The following ASCC3 variants were observed in gnomAD, a reference collection of about 807,000 sequenced individuals.
The protein encoded by ASCC3 is ASC-1 complex subunit P200.
In ASCC3, 158 loss-of-function variants were observed where a neutral mutation model predicts 256.3. The ratio of observed to expected loss-of-function variants is 0.62; its 90% CI spans 0.54 to 0.70. ASCC3 has a LOEUF of 0.70. Among genes scored for constraint, ASCC3 ranks in the 30% least tolerant of loss-of-function variants. The pLI is 0.00. For missense variants in ASCC3, 2,259 were observed against 2,626.0 expected, an observed-to-expected ratio of 0.86 and a Z score of 3.05; for synonymous variants, 948 against 883.4, an observed-to-expected ratio of 1.07 and a Z score of -1.30.
chr6:100,813,796 G>A (rs1465561496), intron 4 of ASCC3, among the ~76,000 whole-genome samples: 1 of 151,834 alleles, frequency 6.6e-6, no homozygotes, highest in African/African-American at 2.4e-5. Flanking sequence ...CCAAGCAGAA[G>A]ATTACTAAGA....
At chr6:100,845,315 T>C (rs1456028510) in intron 4 of ASCC3, among the ~76,000 whole-genome samples, 3 of 152,126 alleles carry the variant, frequency 2.0e-5, no homozygotes, top group Admixed American at 6.5e-5. Flanking sequence ...TTACTTAAGG[T>C]ACCAGCAAAG....
chr6:100,770,732 T>C (rs1166200798), intron 8 of ASCC3, among the ~76,000 whole-genome samples: 1 of 151,798 alleles, frequency 6.6e-6, no homozygotes, highest in East Asian at 1.9e-4. Flanking sequence ...TCAGTAAAAA[T>C]AGCACTCTGT....
chr6:100,718,037 A>G (rs748612942), intron 12 of ASCC3, 38 bp downstream of exon 12: 1 of 1,592,092 alleles, frequency 6.3e-7, no homozygotes, highest in South Asian at 1.1e-5. Context: ...ATAAGTCAAC[A>G]AAAATATTTT....
At chr6:100,700,435 CAG>C (rs1562235681) in intron 13 of ASCC3, among the ~76,000 whole-genome samples, 1 of 151,944 alleles carries the variant, frequency 6.6e-6, no homozygotes, top group Non-Finnish European at 1.5e-5. Context: ...AGCCTCCACA[CAG>C]AGTCCCTACT....
chr6:100,797,167 A>G (rs1481157335), intron 8 of ASCC3, among the ~76,000 whole-genome samples: 1 of 152,138 alleles, frequency 6.6e-6, no homozygotes, highest in African/African-American at 2.4e-5. Context: ...GTAAAGATTT[A>G]GACCGGGTGC....
chr6:100,584,293 T>G (rs1771506090), intron 36 of ASCC3, among the ~76,000 whole-genome samples: 2 of 151,654 alleles, frequency 1.3e-5, no homozygotes, highest in Non-Finnish European at 2.9e-5. Flanking sequence ...CATATATATT[T>G]AGGATAGTTA....
chr6:100,805,782 A>G lies in ASCC3; in HGVS notation c.900T>C (p.Asp300=). 6.2e-7 allele frequency: 1 copy of G among 1,611,276 alleles called. No homozygotes were observed. Among genetic ancestry groups the G allele is most frequent in the Admixed American group, 1.7e-5 (1 of 59,766 alleles). Residue 300 remains aspartate (D), a synonymous_variant, in exon 5 of 42, where the codon GAT becomes GAC. Coordinates refer to ENST00000369162, the MANE Select transcript of ASCC3 (RefSeq NM_006828.4). ...IVDRFLNSSN[D]HRFQALQDNC... is the part of the protein sequence containing the mutation. Reference sequence around the variant, plus strand: ...TACCTTGAAGAGCCTGAAACCTATGATCATTTGAAGAATTAAGAAATCTAT... The same window carrying G: ...TACCTTGAAGAGCCTGAAACCTATGGTCATTTGAAGAATTAAGAAATCTAT...
intron 39 of ASCC3, among the ~76,000 whole-genome samples, chr6:100,513,197 G>GT (rs1163323723): frequency 6.6e-6 from 1 of 152,006 alleles, no homozygotes; most frequent in African/African-American, 2.4e-5. Context: ...AATTTTTCTT[G>GT]TATTTGTGTC....
At chr6:100,693,216 T>C (rs939079935) in intron 13 of ASCC3, among the ~76,000 whole-genome samples, 6 of 152,094 alleles carry the variant, frequency 3.9e-5, no homozygotes, top group Non-Finnish European at 5.9e-5. Flanking sequence ...AAACTTGATA[T>C]TGTTACAGGT....
chr6:100,729,206 A>AT (rs1779780479), intron 10 of ASCC3, among the ~76,000 whole-genome samples: 1 of 152,166 alleles, frequency 6.6e-6, no homozygotes, highest in Admixed American at 6.6e-5. Context: ...GAGGGGGTAA[A>AT]TAAGAGAGGG....
chr6:100,589,440 C>T (rs1437697671), intron 36 of ASCC3, among the ~76,000 whole-genome samples, 194 bp downstream of exon 36: 7 of 152,002 alleles, frequency 4.6e-5, no homozygotes, highest in Admixed American at 6.6e-5. Flanking sequence ...TCAGAAGGAT[C>T]CAAGTTTGGA....
intron 8 of ASCC3, among the ~76,000 whole-genome samples, chr6:100,768,788 G>GAAAC (rs1781784913): frequency 6.6e-6 from 1 of 152,010 alleles, no homozygotes; most frequent in African/African-American, 2.4e-5. Flanking sequence ...CACTGCTCTT[G>GAAAC]AAACATTTAA....
At chr6:100,802,316 G>T (rs1264684887) in intron 5 of ASCC3, among the ~76,000 whole-genome samples, 1 of 151,980 alleles carries the variant, frequency 6.6e-6, no homozygotes, top group African/African-American at 2.4e-5. Flanking sequence ...TTTTAGAACG[G>T]TCGTTTAAAA....
intron 34 of ASCC3, among the ~76,000 whole-genome samples, chr6:100,597,246 C>T (rs1198991512): frequency 6.6e-6 from 1 of 152,078 alleles, no homozygotes; most frequent in Non-Finnish European, 1.5e-5. Context: ...TTAAAATCTA[C>T]CGTCTCTGCT....
chr6:100,515,958 C>A (rs1213976735), intron 39 of ASCC3, among the ~76,000 whole-genome samples: 1 of 152,106 alleles, frequency 6.6e-6, no homozygotes, highest in African/African-American at 2.4e-5. Context: ...TACTCTATGT[C>A]AAGAACTGTA....
Position 100,508,942 on chromosome 6 carries a change from G to GTACC in ASCC3, c.*440_*443dup, listed in dbSNP as rs147783273. 4.7e-3 allele frequency: 911 copies of GTACC among 193,832 alleles called. 11 individuals are homozygous for GTACC. Among genetic ancestry groups the GTACC allele is most frequent in the African/African-American group, 0.021 (871 of 42,096 alleles). The allele number at this position is 193,832 out of a possible 1,614,324, so 12.0% of individuals were successfully genotyped here. A position where few individuals can be genotyped will look rare whatever the true frequency, so the allele number is the denominator to read the frequency against. On this transcript the variant is annotated 3_prime_UTR_variant, in exon 42 of 42. Coordinates refer to ENST00000369162, the MANE Select transcript of ASCC3 (RefSeq NM_006828.4). ...AAATTTTGCTAACAAGACACGCTGT[G>GTACC]TACCACCTTACAGATTTATAGTTTA...
intron 13 of ASCC3, among the ~76,000 whole-genome samples, chr6:100,697,857 T>C (rs549204032): frequency 1.3e-5 from 2 of 152,128 alleles, no homozygotes; most frequent in Non-Finnish European, 2.9e-5. Context: ...AAAATTTCCC[T>C]AATCACATTC....
At position 100,655,766 on chromosome 6, in the gene ASCC3, T is replaced by TG; in HGVS notation, c.2755_2756insC (p.Tyr919SerfsTer25). Reference sequence around the variant, plus strand: ...TCTCATCCGTACATAAAGATAAGTGTAACTTATCCACTTCACTGCTTCTTC... The same window carrying TG: ...TCTCATCCGTACATAAAGATAAGTGTGAACTTATCCACTTCACTGCTTCTTC... On this transcript the variant is annotated frameshift_variant, in exon 17 of 42. Coordinates refer to ENST00000369162, the MANE Select transcript of ASCC3 (RefSeq NM_006828.4). LOFTEE classifies it high-confidence loss of function. 6.2e-7 allele frequency: 1 copy of TG among 1,610,062 alleles called. No homozygotes were observed. Among genetic ancestry groups the TG allele is most frequent in the Non-Finnish European group, 8.5e-7 (1 of 1,177,282 alleles).
intron 36 of ASCC3, among the ~76,000 whole-genome samples, chr6:100,548,489 A>C (rs1237620463): frequency 6.6e-6 from 1 of 152,008 alleles, no homozygotes; most frequent in African/African-American, 2.4e-5. Context: ...ACTTTGTATG[A>C]AATAATTTAA....
Sources: gnomAD v4.1 joint callset for allele counts (sites outside exome capture counted in the v4.1 genomes callset) on GRCh38, gnomAD v4.1.1 for gene constraint, MANE v1.5 for transcripts, NCBI Gene and HGNC (gene_info 2026-07-23, HGNC 2026-07-21) for gene names.